FLRT2: variants seen among roughly 807,000 people sequenced by gnomAD.
The protein encoded by FLRT2 is leucine-rich repeat transmembrane protein FLRT2.
In FLRT2, 15 loss-of-function variants were observed where a neutral mutation model predicts 40.0. The ratio of observed to expected loss-of-function variants is 0.38; its 90% CI spans 0.25 to 0.58. The LOEUF (loss-of-function observed/expected upper bound fraction) is 0.58. Among genes scored for constraint, FLRT2 ranks in the 20% least tolerant of loss-of-function variants. FLRT2 has a pLI of 0.71. For synonymous variants in FLRT2, 380 were observed against 336.8 expected (o/e 1.13, Z -1.41); for missense variants, 726 against 840.0 (o/e 0.86, Z 1.68).
At chr14:85,581,106 C>T (rs1246368209) in intron 1 of FLRT2, among the ~76,000 whole-genome samples, 3 of 152,170 alleles carry the variant, frequency 2.0e-5, no homozygotes, top group Non-Finnish European at 2.9e-5. Flanking sequence ...CTCTGAAACC[C>T]ATGCCTTCTA....
chr14:85,630,610 G>T lies in FLRT2; in HGVS notation c.*7113G>T, dbSNP rs566971715. ...TCTTGGAAGCTGCTGGTTTTTAACC[G>T]TCAGCCTGGGCTCTTTCTGCCTCTT... On this transcript the variant is annotated 3_prime_UTR_variant, in exon 2 of 2. Coordinates refer to ENST00000330753, the MANE Select transcript of FLRT2 (RefSeq NM_013231.6). 7.2e-5 allele frequency: 11 copies of T among 152,118 alleles called. No homozygotes were observed. The highest frequency in any genetic ancestry group is 2.4e-4 in the African/African-American group (10 of 41,508). 9.4% of individuals were successfully genotyped at this position (152,118 alleles called of 1,614,324 possible).
intron 1 of FLRT2, among the ~76,000 whole-genome samples, chr14:85,617,387 CTAT>C (rs1172773772): frequency 1.3e-5 from 2 of 151,978 alleles, no homozygotes; most frequent in African/African-American, 4.8e-5. Context: ...GAGTTAGGAA[CTAT>C]TATTATCATT....
chr14:85,576,508 A>G (rs1380400043), intron 1 of FLRT2, among the ~76,000 whole-genome samples: 1 of 152,202 alleles, frequency 6.6e-6, no homozygotes, highest in Non-Finnish European at 1.5e-5. Context: ...ACATGTTATT[A>G]AAAGCTTTCA....
At position 85,554,916 on chromosome 14, in the gene FLRT2, C is replaced by T. The variant is rs116589491; in HGVS notation, c.-377+24382C>T. 9.2e-3 allele frequency among the ~76,000 whole-genome samples: 1,401 copies of T among 152,254 alleles called. 22 individuals are homozygous for T. The highest frequency in any genetic ancestry group is 0.032 in the African/African-American group (1,329 of 41,540). ...CGTCCTGCAGAGTCAGTGGTGGCAT[C>T]TGTCACATGCCACTTCCGCAGAATG... is the stretch of plus-strand genomic sequence containing the variant. On this transcript the variant is annotated intron_variant, in intron 1 of 1. Coordinates refer to ENST00000330753, the MANE Select transcript of FLRT2 (RefSeq NM_013231.6).
rs531912262 is a variant in FLRT2, at chr14:85,631,520, C to T, written c.*8023C>T. The T allele has an allele frequency of 2.0e-5, 3 of 152,258 alleles. No homozygotes were observed. Among genetic ancestry groups the T allele is most frequent in the East Asian group, 3.9e-4 (2 of 5,148 alleles). 9.4% of individuals were successfully genotyped at this position (152,258 alleles called of 1,614,324 possible). On this transcript the variant is annotated 3_prime_UTR_variant, in exon 2 of 2. Coordinates refer to ENST00000330753, the MANE Select transcript of FLRT2 (RefSeq NM_013231.6). Reference sequence around the variant, plus strand: ...GCCCAGCTACAGGGGAAGAGCCACTCTGTCAGTTGCTTATGGCCAGATGGC... The same window carrying T: ...GCCCAGCTACAGGGGAAGAGCCACTTTGTCAGTTGCTTATGGCCAGATGGC...
At position 85,624,185 on chromosome 14, in the gene FLRT2, C is replaced by G. The variant is rs930191912; in HGVS notation, c.*688C>G. ...TCTGACTGGGAACTTAAAAATCACTCTTCATGCTTCCCTGGTCCTATGTGA... is the reference window on the plus strand; with the variant it reads ...TCTGACTGGGAACTTAAAAATCACTGTTCATGCTTCCCTGGTCCTATGTGA... On this transcript the variant is annotated 3_prime_UTR_variant, in exon 2 of 2. Coordinates refer to ENST00000330753, the MANE Select transcript of FLRT2 (RefSeq NM_013231.6). 1.4e-4 allele frequency: 23 copies of G among 166,972 alleles called. No individual in the cohort carries two copies. Among genetic ancestry groups the G allele is most frequent in the African/African-American group, 4.8e-4 (20 of 41,430 alleles). 10.3% of individuals were successfully genotyped at this position (166,972 alleles called of 1,614,324 possible).
At chr14:85,596,652 T>TAA (rs201665929) in intron 1 of FLRT2, among the ~76,000 whole-genome samples, 1 of 151,998 alleles carries the variant, frequency 6.6e-6, no homozygotes, top group African/African-American at 2.4e-5. Context: ...AAGACTTTTT[T>TAA]AAAAAAAACA....
At chr14:85,592,229 G>T (rs1312590527) in intron 1 of FLRT2, among the ~76,000 whole-genome samples, 1 of 152,036 alleles carries the variant, frequency 6.6e-6, no homozygotes, top group Non-Finnish European at 1.5e-5. Context: ...ATAAGAAAGT[G>T]TCCCCAGAGA....
rs58127837 is a variant in FLRT2 at position 85,608,227 on chromosome 14, A to AT, written c.-376-12899dup. On this transcript the variant is annotated intron_variant, in intron 1 of 1. Transcript: ENST00000330753. ...CTCTCATGTGTTTGCTTGATAAATG[A>AT]TTTTTTTTTTTTTCTTTTTTGAGAC... Among the ~76,000 whole-genome samples, 773 of 144,506 alleles carry AT rather than the reference A, an allele frequency of 5.3e-3. 5 individuals carry two copies. The highest frequency in any genetic ancestry group is 0.015 in the Middle Eastern group (4 of 262). The allele number at this position is 144,506 out of a possible 152,430, so 94.8% of individuals were successfully genotyped here.
At chr14:85,531,807 C>T (rs917626203) in intron 1 of FLRT2, among the ~76,000 whole-genome samples, 2 of 152,200 alleles carry the variant, frequency 1.3e-5, no homozygotes, top group Admixed American at 1.3e-4. Context: ...CTTTCCCAGC[C>T]ACCTTTGCAT....
chr14:85,564,962 A>G (rs1890551792), intron 1 of FLRT2, among the ~76,000 whole-genome samples: 1 of 152,184 alleles, frequency 6.6e-6, no homozygotes. Flanking sequence ...TACCATTTCT[A>G]TGATAGCAAG....
rs896241016 is a variant in FLRT2, at chr14:85,645,957, C to G, written c.*22460C>G. ...CAGGTGGTGACAGTGGATTTCTTCT[C>G]TTATGGAAAGGACAACTATCCATAT... On this transcript the variant is annotated 3_prime_UTR_variant, in exon 2 of 2. Coordinates refer to ENST00000330753, the MANE Select transcript of FLRT2 (RefSeq NM_013231.6). 6 of 150,542 alleles carry G rather than the reference C, an allele frequency of 4.0e-5. No homozygotes were observed. Among genetic ancestry groups the G allele is most frequent in the African/African-American group, 1.5e-4 (6 of 40,398 alleles). 9.3% of individuals were successfully genotyped at this position (150,542 alleles called of 1,614,324 possible). A position where few individuals can be genotyped will look rare whatever the true frequency, so the allele number is the denominator to read the frequency against.
At chr14:85,611,882 A>G in intron 1 of FLRT2, among the ~76,000 whole-genome samples, 1 of 126,060 alleles carries the variant, frequency 7.9e-6, no homozygotes, top group Admixed American at 8.3e-5. Flanking sequence ...TTTTCATGTG[A>G]GGGGAGAGAG....
At chr14:85,533,748 G>C (rs1390892829) in intron 1 of FLRT2, among the ~76,000 whole-genome samples, 2 of 151,848 alleles carry the variant, frequency 1.3e-5, no homozygotes, top group Non-Finnish European at 2.9e-5. Context: ...ACGTAGGCGA[G>C]AGCAAGCGAG....
chr14:85,587,141 G>C (rs574436400), intron 1 of FLRT2, among the ~76,000 whole-genome samples: 9 of 152,154 alleles, frequency 5.9e-5, no homozygotes, highest in African/African-American at 1.7e-4. Flanking sequence ...AAGCTTTGTT[G>C]TACTTCGCTT....
In FLRT2 at chr14:85,645,594, G is replaced by T. The variant is rs1043528628; in HGVS notation, c.*22097G>T. ...ATAAGGAGACTTAGGGAAGAAATAC[G>T]TGTTAAGGATTGTTCATAAGTGGCA... On this transcript the variant is annotated 3_prime_UTR_variant, in exon 2 of 2. Transcript: ENST00000330753. The T allele has an allele frequency of 1.3e-5, 2 of 152,080 alleles. No homozygotes were observed. The highest frequency in any genetic ancestry group is 2.9e-5 in the Non-Finnish European group (2 of 68,008). The allele number at this position is 152,080 out of a possible 1,614,324, so 9.4% of individuals were successfully genotyped here.
rs1403252323 is a variant in FLRT2 at position 85,629,325 on chromosome 14, A to C, written c.*5828A>C. 6.6e-6 allele frequency: 1 copy of C among 152,208 alleles called. No homozygotes were observed. The highest frequency in any genetic ancestry group is 2.1e-4 in the South Asian group (1 of 4,828). 9.4% of individuals were successfully genotyped at this position (152,208 alleles called of 1,614,324 possible). On this transcript the variant is annotated 3_prime_UTR_variant, in exon 2 of 2. Coordinates refer to ENST00000330753, the MANE Select transcript of FLRT2 (RefSeq NM_013231.6). Reference sequence around the variant, plus strand: ...AGTACATTGCTAAAGTCAGAACTTAATTTGAATTAAATTTTCAAGTTTCCA... The same window carrying C: ...AGTACATTGCTAAAGTCAGAACTTACTTTGAATTAAATTTTCAAGTTTCCA...
chr14:85,622,153 G>A lies in FLRT2; in HGVS notation c.639G>A (p.Gly213=), dbSNP rs1311634644. 2 of 1,613,968 alleles carry A rather than the reference G, an allele frequency of 1.2e-6. No homozygotes were observed. The highest frequency in any genetic ancestry group is 1.3e-5 in the African/African-American group (1 of 74,892). Residue 213 remains glycine (G), a synonymous_variant, in exon 2 of 2, where the codon GGG becomes GGA. Transcript: ENST00000330753. ...LTSLERLIVD[G]NLLTNKGIAE... is the part of the protein sequence containing the mutation. ...GCTTGGAGCGTCTTATTGTGGACGG[G>A]AACCTCCTGACCAACAAGGGTATCG... is the stretch of plus-strand genomic sequence containing the variant.
At chr14:85,537,437 T>G (rs533817577) in intron 1 of FLRT2, among the ~76,000 whole-genome samples, 2 of 152,286 alleles carry the variant, frequency 1.3e-5, no homozygotes, top group Non-Finnish European at 2.9e-5. Context: ...AAACAACCAT[T>G]ATCTTACTTC....
Sources: gnomAD v4.1 joint callset for allele counts (sites outside exome capture counted in the v4.1 genomes callset) on GRCh38, gnomAD v4.1.1 for gene constraint, MANE v1.5 for transcripts, NCBI Gene and HGNC (gene_info 2026-07-23, HGNC 2026-07-21) for gene names.